SPNS3: variants seen among roughly 807,000 people sequenced by gnomAD.
SPNS3 encodes SPNS lysolipid transporter 3, sphingosine-1-phosphate (putative), also known as protein spinster homolog 3.
SPNS3 carries 51 observed loss-of-function variants against 54.4 expected under a neutral mutation model. The ratio of observed to expected loss-of-function variants is 0.94; its 90% CI spans 0.75 to 1.18. SPNS3 has a LOEUF of 1.18. Among genes scored for constraint, SPNS3 ranks in the 50% most tolerant of loss-of-function variants. The pLI, the probability that SPNS3 is intolerant of heterozygous loss-of-function variation, is 0.00. For missense variants in SPNS3, 669 were observed against 677.4 expected (o/e 0.99, Z 0.14); for synonymous variants, 309 against 294.7 (o/e 1.05, Z -0.50).
chr17:4,442,504 G>T (rs374327205), intron 2 of SPNS3, among the ~76,000 whole-genome samples: 3 of 151,586 alleles, frequency 2.0e-5, no homozygotes, highest in Non-Finnish European at 4.4e-5. Flanking sequence ...CTGCACTCCA[G>T]ACTGGGCCAC....
intron 1 of SPNS3, among the ~76,000 whole-genome samples, chr17:4,439,313 C>T (rs572425996): frequency 5.9e-5 from 9 of 152,172 alleles, no homozygotes; most frequent in East Asian, 3.9e-4. Context: ...TTAGTAGAGA[C>T]GGGGTTTCAC....
Position 4,486,677 on chromosome 17 carries a change from T to C in SPNS3, c.1450+94T>C. The C allele has an allele frequency of 2.2e-6, 3 of 1,344,404 alleles. No individual in the cohort carries two copies. The highest frequency in any genetic ancestry group is 2.0e-6 in the Non-Finnish European group (2 of 991,442). The allele number at this position is 1,344,404 out of a possible 1,614,324, so 83.3% of individuals were successfully genotyped here. A position where few individuals can be genotyped will look rare whatever the true frequency, so the allele number is the denominator to read the frequency against. The stretch of plus-strand genomic sequence containing the variant: ...CCTGAATCCCTGGCCAGTTTGTTTG[T>C]TCATTCATCCAGAAATGCTTAGTAC... On this transcript the variant is annotated intron_variant, in intron 11 of 11. Coordinates refer to ENST00000355530, the MANE Select transcript of SPNS3 (RefSeq NM_182538.5). This position sits in a 1 kb window ranked among gnomAD's most constrained non-coding sequence, Gnocchi z 5.5.
At chr17:4,439,509 T>C in intron 1 of SPNS3, 149 bp from the exon 2 acceptor site, 2 of 638,314 alleles carry the variant, frequency 3.1e-6, no homozygotes, top group Non-Finnish European at 5.6e-6. Flanking sequence ...TACAGCTGTA[T>C]GGGAGAGAGG....
intron 8 of SPNS3, among the ~76,000 whole-genome samples, chr17:4,454,783 G>A (rs1374357526): frequency 6.6e-6 from 1 of 151,784 alleles, no homozygotes; most frequent in Non-Finnish European, 1.5e-5. Flanking sequence ...ACCAAGCCCG[G>A]CTAATTTTTT....
chr17:4,468,773 T>TTTCTC (rs1555531917), intron 8 of SPNS3, among the ~76,000 whole-genome samples: 1,379 of 103,192 alleles, frequency 0.013, 18 homozygotes, highest in African/African-American at 0.044. Flanking sequence ...CTCTTTCTTT[T>TTTCTC]TCTTTCTTTC....
At chr17:4,485,458 T>G (rs1421673348) in intron 9 of SPNS3, among the ~76,000 whole-genome samples, 1 of 151,604 alleles carries the variant, frequency 6.6e-6, no homozygotes, top group African/African-American at 2.4e-5. Context: ...ATTGCAGTGG[T>G]ACGATCTCAG....
intron 2 of SPNS3, among the ~76,000 whole-genome samples, chr17:4,440,099 T>C (rs1002686354): frequency 3.3e-5 from 5 of 151,974 alleles, no homozygotes; most frequent in African/African-American, 1.2e-4. Flanking sequence ...AACTGAAAAA[T>C]CTGACTACTG....
chr17:4,460,818 T>G (rs1448041943), intron 8 of SPNS3, among the ~76,000 whole-genome samples: 4 of 152,102 alleles, frequency 2.6e-5, no homozygotes, highest in Non-Finnish European at 5.9e-5. Context: ...TGGTCTGCAG[T>G]TTTCTTGTGG....
chr17:4,472,496 G>C (rs1179157249), intron 8 of SPNS3, among the ~76,000 whole-genome samples: 1 of 152,190 alleles, frequency 6.6e-6, no homozygotes, highest in Non-Finnish European at 1.5e-5. Flanking sequence ...TCAGGTAAAT[G>C]CTCTACAACA....
At chr17:4,443,867 G>A (rs34367072) in intron 2 of SPNS3, among the ~76,000 whole-genome samples, 42,090 of 152,236 alleles carry the variant, frequency 0.28, 7,166 homozygotes, top group Admixed American at 0.37. Context: ...TTAGGAGGCC[G>A]AGGTGGGCGG....
chr17:4,459,905 G>T (rs1216799260), intron 8 of SPNS3, among the ~76,000 whole-genome samples: 5 of 152,142 alleles, frequency 3.3e-5, no homozygotes, highest in African/African-American at 1.2e-4. Flanking sequence ...GAGAAGTATT[G>T]TTGGGAAGGA....
intron 5 of SPNS3, among the ~76,000 whole-genome samples, chr17:4,447,242 A>G (rs1199881761): frequency 6.6e-6 from 1 of 152,186 alleles, no homozygotes; most frequent in African/African-American, 2.4e-5. Flanking sequence ...CTGTCGGTAA[A>G]GCGGGGGTAC....
At chr17:4,434,302 G>A (rs1436728503) in intron 1 of SPNS3, 136 bp downstream of exon 1, 8 of 840,834 alleles carry the variant, frequency 9.5e-6, no homozygotes, top group Non-Finnish European at 1.4e-5. Context: ...CACCTCTAGA[G>A]GTGGTTTTCA....
chr17:4,445,002 A>T lies in SPNS3; in HGVS notation c.266-30A>T, dbSNP rs137873079. On this transcript the variant is annotated intron_variant, in intron 2 of 11. Transcript: ENST00000355530. ...TCTGCCCTGCCACGGTCGTGGGGGG[A>T]TCCAGGCTGCCCCTGTGTGTCTCCT... 1.9e-6 allele frequency: 3 copies of T among 1,603,190 alleles called. No individual in the cohort carries two copies. In the East Asian group the frequency reaches 6.7e-5, roughly 36 times the overall value.
chr17:4,440,157 C>G (rs1374814186), intron 2 of SPNS3, among the ~76,000 whole-genome samples: 1 of 152,184 alleles, frequency 6.6e-6, no homozygotes, highest in African/African-American at 2.4e-5. Flanking sequence ...CATCCCCCCA[C>G]ATGGGCTCAG....
chr17:4,482,020 C>G (rs1164599696), intron 9 of SPNS3: 1 of 152,366 alleles, frequency 6.6e-6, no homozygotes, highest in Non-Finnish European at 1.5e-5. Flanking sequence ...TCCTGAATAG[C>G]TGGGACTACA....
At chr17:4,477,970 C>CTTTTTTTTTTTTG (rs1972051827) in intron 8 of SPNS3, among the ~76,000 whole-genome samples, 1 of 97,620 alleles carries the variant, frequency 1.0e-5, no homozygotes, top group African/African-American at 4.6e-5. Flanking sequence ...TTCACTTTTC[C>CTTTTTTTTTTTTG]TTTTTTTTTT....
At chr17:4,469,422 G>A (rs549836169) in intron 8 of SPNS3, among the ~76,000 whole-genome samples, 7 of 152,104 alleles carry the variant, frequency 4.6e-5, no homozygotes, top group East Asian at 1.9e-4. Flanking sequence ...TGGGCCGGGT[G>A]CCCAATGCAA....
At chr17:4,458,666 T>TTTCC (rs1971413785) in intron 8 of SPNS3, among the ~76,000 whole-genome samples, 1 of 140,748 alleles carries the variant, frequency 7.1e-6, no homozygotes, top group African/African-American at 2.7e-5. Flanking sequence ...TCTTTCTTTC[T>TTTCC]TTCTTTTCTT....
Sources: gnomAD v4.1 joint callset for allele counts (sites outside exome capture counted in the v4.1 genomes callset) on GRCh38, gnomAD v4.1.1 for gene constraint, Gnocchi (gnomAD v3.1) non-coding constraint, MANE v1.5 for transcripts, NCBI Gene and HGNC (gene_info 2026-07-23, HGNC 2026-07-21) for gene names.